Variants in SENP1 observed in about 807,000 individuals in gnomAD.
SENP1 encodes the protein sentrin-specific protease 1.
Under a neutral mutation model 93.0 loss-of-function variants are expected in SENP1, and 21 were observed. That is an observed-to-expected ratio of 0.23 (90% CI 0.16 to 0.33). SENP1 has a LOEUF of 0.33. Among genes scored for constraint, SENP1 ranks in the 10% least tolerant of loss-of-function variants. SENP1 has a pLI of 1.00. For synonymous variants in SENP1, 256 were observed against 259.6 expected (o/e 0.99, Z 0.13); for missense variants, 591 against 758.7 (o/e 0.78, Z 2.60).
rs770091374 is a variant in SENP1, at chr12:48,101,425, C to A, written c.4+44G>T. 7 of 1,517,738 alleles carry A rather than the reference C, an allele frequency of 4.6e-6. No individual in the cohort carries two copies. In the South Asian group the frequency reaches 8.4e-5, roughly 18 times the overall value. 94.0% of individuals were successfully genotyped at this position (1,517,738 alleles called of 1,614,324 possible). ...AACCCATTCTTTCACTACAGCTTAACCAATGAAAGTAGCTAAAAGGATTCA... is the reference window on the plus strand; with the variant it reads ...AACCCATTCTTTCACTACAGCTTAAACAATGAAAGTAGCTAAAAGGATTCA... On this transcript the variant is annotated intron_variant, in intron 2 of 17. Coordinates refer to ENST00000549518, the MANE Select transcript of SENP1 (RefSeq NM_001267594.2).
chr12:48,066,587 C>A (rs1374032059), intron 10 of SENP1, among the ~76,000 whole-genome samples: 2 of 151,536 alleles, frequency 1.3e-5, no homozygotes, highest in Non-Finnish European at 2.9e-5. Context: ...TCTCGGCTCA[C>A]TGCAACCTCC....
chr12:48,071,776 TC>T (rs138171426), intron 8 of SENP1, 55 bp from the exon 9 acceptor site: 229,711 of 1,177,396 alleles, frequency 0.2, 24,215 homozygotes, highest in East Asian at 0.25. Context: ...AGTTATACTT[TC>T]TAGATATCTT....
At chr12:48,103,262 G>A (rs77453555) in intron 1 of SENP1, among the ~76,000 whole-genome samples, 8,954 of 152,208 alleles carry the variant, frequency 0.059, 354 homozygotes, top group Non-Finnish European at 0.093. Context: ...GAATTTTACC[G>A]ATTATATCCA....
At chr12:48,071,365 C>T (rs1359926330) in intron 9 of SENP1, among the ~76,000 whole-genome samples, 1 of 152,126 alleles carries the variant, frequency 6.6e-6, no homozygotes, top group Non-Finnish European at 1.5e-5. Flanking sequence ...CCTGTAATCC[C>T]AGCACTTTGG....
chr12:48,078,350 TATAC>T (rs1422684183), intron 6 of SENP1, among the ~76,000 whole-genome samples: 3 of 123,588 alleles, frequency 2.4e-5, no homozygotes, highest in Non-Finnish European at 3.6e-5. Flanking sequence ...CACATATATA[TATAC>T]ACACACACAC....
rs1474279180 is a variant in SENP1, at chr12:48,057,239, TA to T, written c.1407+6470del. ...ATATATAAAAAATACATTATATATA[TA>T]TTTTTTTGAGACAAAGTCTCACTCT... On this transcript the variant is annotated intron_variant, in intron 13 of 17. Coordinates refer to ENST00000549518, the MANE Select transcript of SENP1 (RefSeq NM_001267594.2). Among the ~76,000 whole-genome samples the T allele has an allele frequency of 8.3e-5, 12 of 144,160 alleles. 1 individual carries two copies. Among genetic ancestry groups the T allele is most frequent in the Middle Eastern group, 3.6e-3 (1 of 278 alleles). The allele number at this position is 144,160 out of a possible 152,430, so 94.6% of individuals were successfully genotyped here. A position where few individuals can be genotyped will look rare whatever the true frequency, so the allele number is the denominator to read the frequency against.
chr12:48,072,866 C>G (rs1358325124), intron 8 of SENP1, among the ~76,000 whole-genome samples: 1 of 151,934 alleles, frequency 6.6e-6, no homozygotes, highest in Non-Finnish European at 1.5e-5. Context: ...TTTCAAGCAT[C>G]CACTGGTGGG....
intron 10 of SENP1, among the ~76,000 whole-genome samples, chr12:48,066,143 A>C (rs1434857949): frequency 6.6e-6 from 1 of 152,260 alleles, no homozygotes; most frequent in Non-Finnish European, 1.5e-5. Context: ...TGGAAATCCA[A>C]AAATGGGATT....
intron 4 of SENP1, chr12:48,089,364 A>T: frequency 7.8e-7 from 1 of 1,289,834 alleles, no homozygotes. Context: ...TCAAATGAAC[A>T]ACAGTTATTG....
chr12:48,097,550 G>A (rs1215919830), intron 3 of SENP1, among the ~76,000 whole-genome samples: 2 of 152,198 alleles, frequency 1.3e-5, no homozygotes, highest in African/African-American at 4.8e-5. Flanking sequence ...ATGAGGTAAA[G>A]CCTGAGAGTC....
At chr12:48,104,238 G>GAT (rs1946218685) in intron 1 of SENP1, among the ~76,000 whole-genome samples, 1 of 70,938 alleles carries the variant, frequency 1.4e-5, no homozygotes. Context: ...TATATATAGA[G>GAT]AGAGAGAGAG....
In SENP1 at chr12:48,058,698, T is replaced by TA. The variant is rs550121255; in HGVS notation, c.1407+5011dup. Among the ~76,000 whole-genome samples the TA allele has an allele frequency of 6.3e-4, 96 of 152,310 alleles. 1 individual carries two copies. The highest frequency in any genetic ancestry group is 2.3e-3 in the Admixed American group (35 of 15,292). ...ACAGTATGTTGTTTTAGTTCTGCCTTAGTCACCTGTCTTCTAGAGGTATGA... is the reference window on the plus strand; with the variant it reads ...ACAGTATGTTGTTTTAGTTCTGCCTTAAGTCACCTGTCTTCTAGAGGTATGA... On this transcript the variant is annotated intron_variant, in intron 13 of 17. Transcript: ENST00000549518.
At chr12:48,065,295 C>T (rs1398971592) in intron 11 of SENP1, 75 bp from the exon 12 acceptor site, 45 of 1,163,210 alleles carry the variant, frequency 3.9e-5, no homozygotes, top group Non-Finnish European at 4.9e-5. Context: ...AGGGTTATGT[C>T]CCAATAAACC....
intron 13 of SENP1, among the ~76,000 whole-genome samples, chr12:48,056,377 A>AATATAT (rs1304056165): frequency 4.3e-5 from 5 of 115,188 alleles, no homozygotes; most frequent in African/African-American, 1.4e-4. Flanking sequence ...TATTACATAT[A>AATATAT]TATTTAATAT....
intron 6 of SENP1, among the ~76,000 whole-genome samples, chr12:48,082,894 T>A (rs1258589245): frequency 6.6e-6 from 1 of 152,178 alleles, no homozygotes; most frequent in African/African-American, 2.4e-5. Context: ...GAATAGGTAT[T>A]TCATCAAATT....
chr12:48,098,918 T>C (rs1945740394), intron 2 of SENP1: 1 of 152,188 alleles, frequency 6.6e-6, no homozygotes, highest in Non-Finnish European at 1.5e-5. Flanking sequence ...CATATTGTCA[T>C]TGTCAAAAGA....
chr12:48,086,854 T>C (rs1944900164), intron 5 of SENP1, among the ~76,000 whole-genome samples: 1 of 152,016 alleles, frequency 6.6e-6, no homozygotes, highest in Non-Finnish European at 1.5e-5. Context: ...GCCTTGCTAA[T>C]ATGGCGAAAT....
At chr12:48,050,001 G>A (rs778287624) in intron 13 of SENP1, among the ~76,000 whole-genome samples, 1 of 152,086 alleles carries the variant, frequency 6.6e-6, no homozygotes, top group East Asian at 1.9e-4. Context: ...TTAATGAAAC[G>A]ACATCTTCTC....
intron 1 of SENP1, among the ~76,000 whole-genome samples, chr12:48,101,793 C>G (rs139681680): frequency 6.6e-6 from 1 of 152,196 alleles, no homozygotes; most frequent in African/African-American, 2.4e-5. Flanking sequence ...GGAGCGCCAA[C>G]CCTTAAGAGA....
Sources: gnomAD v4.1 joint callset for allele counts (sites outside exome capture counted in the v4.1 genomes callset) on GRCh38, gnomAD v4.1.1 for gene constraint, MANE v1.5 for transcripts, NCBI Gene and HGNC (gene_info 2026-07-23, HGNC 2026-07-21) for gene names.